The following KIAA0930 variants were observed in gnomAD, a reference collection of about 807,000 sequenced individuals.
The protein encoded by KIAA0930 is KIAA0930, also known as uncharacterized protein KIAA0930.
KIAA0930 carries 24 observed loss-of-function variants against 43.9 expected under a neutral mutation model. The observed-to-expected ratio is 0.55, with a 90% CI of 0.40 to 0.77. KIAA0930 has a LOEUF of 0.77. Among genes scored for constraint, KIAA0930 ranks in the 30% least tolerant of loss-of-function variants. The pLI is 0.00. For missense variants in KIAA0930, 461 were observed against 574.2 expected (o/e 0.80, Z 2.02); for synonymous variants, 259 against 216.4 (o/e 1.20, Z -1.73).
rs145084884 is a variant in KIAA0930 at position 45,212,331 on chromosome 22, C to A, written c.65-224G>T. 1.6e-5 allele frequency: 26 copies of A among 1,611,996 alleles called. No homozygotes were observed. In the African/African-American group the frequency reaches 2.1e-4, roughly 13 times the overall value. ...GCCCAGTTCCTCCACTCAGCAGCAG[C>A]CTGAGAGCCCATGCTCCCAGCCCCA... On this transcript the variant is annotated intron_variant, in intron 1 of 9. Transcript: ENST00000336156.
intron 1 of KIAA0930, 172 bp from the exon 2 acceptor site, chr22:45,212,279 G>GA: frequency 6.8e-6 from 11 of 1,613,256 alleles, no homozygotes; most frequent in Non-Finnish European, 9.3e-6. Flanking sequence ...GGAGCATCCA[G>GA]AGAGGCTGGA....
At chr22:45,229,409 C>G (rs951796500) in intron 1 of KIAA0930, among the ~76,000 whole-genome samples, 2 of 128,916 alleles carry the variant, frequency 1.6e-5, no homozygotes, top group Admixed American at 7.8e-5. Context: ...TCCCAGGGGC[C>G]TGCGCCCAGG....
chr22:45,199,765 T>C, intron 8 of KIAA0930, 108 bp downstream of exon 8: 2 of 1,175,748 alleles, frequency 1.7e-6, no homozygotes, highest in Non-Finnish European at 2.3e-6. Context: ...ACTCTCTAAG[T>C]GCTGCTGAAT....
chr22:45,203,271 C>A (rs1601810357), intron 6 of KIAA0930, 87 bp from the exon 7 acceptor site: 9 of 1,380,248 alleles, frequency 6.5e-6, no homozygotes, highest in Non-Finnish European at 7.9e-6. Context: ...GCCAGGGCGA[C>A]CATCCCTCAA....
chr22:45,205,233 A>G lies in KIAA0930; in HGVS notation c.500T>C (p.Ile167Thr). The stretch of plus-strand genomic sequence containing the variant: ...AGAGCTCACCTCCTCGAAGCTGTCA[A>G]TCATGAAGAAGATGTTGGGGTAGCT... ...KISYPNIFFM[I>T]DSFEEVFSDM... Residue 167 changes from isoleucine to threonine, a missense_variant, in exon 5 of 10, where the codon ATT (isoleucine) becomes ACT (threonine). By Grantham distance (89) the Ile-to-Thr change is moderately conservative. Transcript: ENST00000336156. 6.2e-7 allele frequency: 1 copy of G among 1,614,008 alleles called. No homozygotes were observed. Among genetic ancestry groups the G allele is most frequent in the East Asian group, 2.2e-5 (1 of 44,884 alleles).
chr22:45,205,415 G>T, intron 4 of KIAA0930, 97 bp from the exon 5 acceptor site: 1 of 1,123,226 alleles, frequency 8.9e-7, no homozygotes, highest in Non-Finnish European at 1.3e-6. Flanking sequence ...CCGGCCCAGA[G>T]CCAGTCCAAA....
chr22:45,228,337 C>T (rs1041411038), intron 1 of KIAA0930, among the ~76,000 whole-genome samples: 2 of 152,066 alleles, frequency 1.3e-5, no homozygotes, highest in African/African-American at 4.8e-5. Context: ...TGTCCCAGAA[C>T]CTTGGCTGTG....
At chr22:45,212,832 CG>C (rs1488362426) in intron 1 of KIAA0930, among the ~76,000 whole-genome samples, 1 of 152,224 alleles carries the variant, frequency 6.6e-6, no homozygotes, top group African/African-American at 2.4e-5. Flanking sequence ...GGACAATGGG[CG>C]GGGGCTCTGA....
chr22:45,215,187 C>G (rs551249935), intron 1 of KIAA0930, among the ~76,000 whole-genome samples: 28 of 152,224 alleles, frequency 1.8e-4, no homozygotes, highest in African/African-American at 5.5e-4. Context: ...CACTGCACTC[C>G]GGCCTGGGAG....
At chr22:45,212,204 G>T in intron 1 of KIAA0930, 97 bp from the exon 2 acceptor site, 1 of 1,613,054 alleles carries the variant, frequency 6.2e-7, no homozygotes, top group Admixed American at 1.7e-5. Context: ...CACATTTCTG[G>T]CCAGAAATTT....
chr22:45,204,190 G>A (rs1422868875), intron 5 of KIAA0930, among the ~76,000 whole-genome samples: 5 of 152,182 alleles, frequency 3.3e-5, no homozygotes, highest in Non-Finnish European at 1.5e-5. Context: ...GAGCAGCAGG[G>A]GAGGACAGGG....
intron 8 of KIAA0930, among the ~76,000 whole-genome samples, chr22:45,199,451 G>T (rs942333692): frequency 3.9e-5 from 6 of 152,192 alleles, no homozygotes; most frequent in Admixed American, 3.9e-4. Flanking sequence ...GGAGGGCCAG[G>T]CCTCACCCTG....
intron 1 of KIAA0930, chr22:45,212,339 C>T (rs1462174199): frequency 6.2e-7 from 1 of 1,610,690 alleles, no homozygotes; most frequent in African/African-American, 1.3e-5. Context: ...AGCCTGAGAG[C>T]CCATGCTCCC....
In KIAA0930 at chr22:45,204,001, A is replaced by C. The variant is rs1053379904; in HGVS notation, c.517-16T>G. The stretch of plus-strand genomic sequence containing the variant: ...CGCTGAACACCTGGGCCAGGACACA[A>C]AGAGACAGGGACGTGACCATCAGCT... On this transcript the variant is annotated splice_polypyrimidine_tract_variant and intron_variant, in intron 5 of 9. Coordinates refer to ENST00000336156, the MANE Select transcript of KIAA0930 (RefSeq NM_001009880.2). 5 of 1,613,410 alleles carry C rather than the reference A, an allele frequency of 3.1e-6. No homozygotes were observed. The African/African-American group carries it at 6.7e-5, about 22-fold the overall frequency.
intron 1 of KIAA0930, among the ~76,000 whole-genome samples, chr22:45,229,045 C>A (rs1386362069): frequency 5.6e-4 from 47 of 84,172 alleles, no homozygotes; most frequent in Admixed American, 8.6e-4. Context: ...CTCCACCCCC[C>A]CACCACCAAA....
At chr22:45,227,795 G>C (rs906046335) in intron 1 of KIAA0930, among the ~76,000 whole-genome samples, 1 of 152,218 alleles carries the variant, frequency 6.6e-6, no homozygotes, top group East Asian at 1.9e-4. Context: ...CTCTGATAGA[G>C]ATGACCTCAT....
At chr22:45,236,896 C>G (rs2147769572) in intron 1 of KIAA0930, among the ~76,000 whole-genome samples, 1 of 152,374 alleles carries the variant, frequency 6.6e-6, no homozygotes, top group Non-Finnish European at 1.5e-5. Context: ...CAAATTGCTC[C>G]AAGAATGCTC....
At chr22:45,197,729 C>A (rs1324456811) in intron 9 of KIAA0930, 61 bp downstream of exon 9, 1 of 1,583,070 alleles carries the variant, frequency 6.3e-7, no homozygotes, top group Non-Finnish European at 8.7e-7. Flanking sequence ...AGTACCAAGG[C>A]CCTGGAGGCA....
At chr22:45,218,297 A>G (rs1176693593) in intron 1 of KIAA0930, among the ~76,000 whole-genome samples, 1 of 146,216 alleles carries the variant, frequency 6.8e-6, no homozygotes, top group Non-Finnish European at 1.5e-5. Flanking sequence ...AGGTGTGATT[A>G]CAGGCATGCA....
Sources: gnomAD v4.1 joint callset for allele counts (sites outside exome capture counted in the v4.1 genomes callset) on GRCh38, gnomAD v4.1.1 for gene constraint, MANE v1.5 for transcripts, NCBI Gene and HGNC (gene_info 2026-07-23, HGNC 2026-07-21) for gene names.